LRRC4C: variants seen among roughly 807,000 people sequenced by gnomAD.
LRRC4C encodes the protein leucine-rich repeat-containing protein 4C.
Under a neutral mutation model 33.6 loss-of-function variants are expected in LRRC4C, and 5 were observed. The ratio of observed to expected loss-of-function variants is 0.15; its 90% CI spans 0.08 to 0.31. LRRC4C has a LOEUF of 0.31. LRRC4C is among the 10% of genes least tolerant of loss of function. The probability of loss-of-function intolerance (pLI) is 1.00; values close to 1 mark genes in which losing one functional copy is unlikely to be tolerated. For synonymous variants in LRRC4C, 329 were observed against 302.0 expected, an observed-to-expected ratio of 1.09 and a Z score of -0.93; for missense variants, 560 against 796.7, an observed-to-expected ratio of 0.70 and a Z score of 3.58.
intron 3 of LRRC4C, among the ~76,000 whole-genome samples, chr11:40,646,559 G>GA (rs572499991): frequency 6.6e-6 from 1 of 151,924 alleles, no homozygotes; most frequent in Non-Finnish European, 1.5e-5. Flanking sequence ...TGACGGCAAG[G>GA]AAAAAAAGAC....
At chr11:40,723,928 A>G (rs1207955730) in intron 2 of LRRC4C, among the ~76,000 whole-genome samples, 2 of 152,190 alleles carry the variant, frequency 1.3e-5, no homozygotes, top group Non-Finnish European at 2.9e-5. Context: ...TACAATGCAA[A>G]TGGAAAATTT....
rs545170453 is a variant in LRRC4C, at chr11:40,367,500, C to T, written c.-269-47779G>A. ...TCACTTTTTTCTGTCTTATTTTTTT[C>T]ACAATGCAATGCATGGAGGCCACAC... On this transcript the variant is annotated intron_variant, in intron 3 of 6. Coordinates refer to ENST00000528697, the MANE Select transcript of LRRC4C (RefSeq NM_001258419.2). 3.3e-5 allele frequency among the ~76,000 whole-genome samples: 5 copies of T among 152,038 alleles called. No individual in the cohort carries two copies. In the East Asian group the frequency reaches 9.7e-4, roughly 29 times the overall value.
chr11:40,742,744 T>C (rs1387998169), intron 2 of LRRC4C, among the ~76,000 whole-genome samples: 3 of 152,086 alleles, frequency 2.0e-5, no homozygotes, highest in Non-Finnish European at 4.4e-5. Context: ...TTTACAGTGG[T>C]ATTCTGTTCA....
At chr11:40,518,752 A>G (rs549123506) in intron 3 of LRRC4C, among the ~76,000 whole-genome samples, 24 of 152,152 alleles carry the variant, frequency 1.6e-4, no homozygotes, top group African/African-American at 5.5e-4. Context: ...ATTACTGGGT[A>G]TATACCCAAA....
At chr11:40,897,783 G>C (rs2136161645) in intron 2 of LRRC4C, among the ~76,000 whole-genome samples, 1 of 152,134 alleles carries the variant, frequency 6.6e-6, no homozygotes, top group East Asian at 1.9e-4. Context: ...TAACTGACTG[G>C]CCAGATTAAT....
intron 2 of LRRC4C, among the ~76,000 whole-genome samples, chr11:40,785,962 T>C (rs905353601): frequency 1.3e-5 from 2 of 152,090 alleles, no homozygotes; most frequent in African/African-American, 4.8e-5. Context: ...GCAAGTTTTG[T>C]TTTTGTTTTT....
intron 5 of LRRC4C, among the ~76,000 whole-genome samples, chr11:40,192,937 A>C (rs1053195973): frequency 6.6e-6 from 1 of 152,184 alleles, no homozygotes; most frequent in South Asian, 2.1e-4. Context: ...CTCTGAAAGA[A>C]AGGCAGCAGC....
At chr11:40,660,837 C>T (rs139621245) in intron 2 of LRRC4C, among the ~76,000 whole-genome samples, 187 of 152,156 alleles carry the variant, frequency 1.2e-3, no homozygotes, top group Non-Finnish European at 2.2e-3. Flanking sequence ...TAATTTATAA[C>T]GAAAGCTAAA....
chr11:40,941,338 TA>T (rs1464462306), intron 1 of LRRC4C, among the ~76,000 whole-genome samples: 1 of 152,142 alleles, frequency 6.6e-6, no homozygotes. Context: ...TATAGCTGTC[TA>T]AGAATATGCT....
At chr11:41,302,067 T>C (rs572807637) in intron 1 of LRRC4C, among the ~76,000 whole-genome samples, 1 of 152,210 alleles carries the variant, frequency 6.6e-6, no homozygotes, top group Non-Finnish European at 1.5e-5. Flanking sequence ...CAATTCACCA[T>C]TGCATTTCAG....
intron 1 of LRRC4C, among the ~76,000 whole-genome samples, chr11:40,980,657 T>A (rs11036168): frequency 0.23 from 34,882 of 152,150 alleles, 4,421 homozygotes; most frequent in Middle Eastern, 0.32. Context: ...GGGTTATGGT[T>A]AGTTCCCCAA....
chr11:40,870,947 G>C (rs1954606699), intron 2 of LRRC4C, among the ~76,000 whole-genome samples: 1 of 152,150 alleles, frequency 6.6e-6, no homozygotes, highest in South Asian at 2.1e-4. Flanking sequence ...TCTCAGCAAG[G>C]AACATCCCTG....
At chr11:41,132,719 A>G (rs1484063349) in intron 1 of LRRC4C, among the ~76,000 whole-genome samples, 1 of 152,170 alleles carries the variant, frequency 6.6e-6, no homozygotes, top group Non-Finnish European at 1.5e-5. Flanking sequence ...ATAATGAAAT[A>G]AATTGTGTCT....
intron 3 of LRRC4C, among the ~76,000 whole-genome samples, chr11:40,588,462 G>A (rs11821222): frequency 0.017 from 2,529 of 151,374 alleles, 87 homozygotes; most frequent in African/African-American, 0.058. Flanking sequence ...AGGGTTTTTT[G>A]TGTCTCTATT....
intron 1 of LRRC4C, among the ~76,000 whole-genome samples, chr11:41,304,152 G>A (rs200986781): frequency 3.0e-4 from 24 of 80,856 alleles, no homozygotes; most frequent in South Asian, 4.4e-4. Flanking sequence ...CCGGCCAGCC[G>A]CCCCGTCCGG....
intron 5 of LRRC4C, among the ~76,000 whole-genome samples, chr11:40,210,599 A>C (rs963042046): frequency 6.6e-6 from 1 of 152,104 alleles, no homozygotes; most frequent in Admixed American, 6.5e-5. Context: ...CCCTGCATCT[A>C]TTGAAATCGT....
intron 4 of LRRC4C, among the ~76,000 whole-genome samples, chr11:40,247,227 T>C (rs943206235): frequency 3.9e-5 from 6 of 152,162 alleles, no homozygotes; most frequent in African/African-American, 1.2e-4. Flanking sequence ...ACCACACTTG[T>C]TTCATTTTGT....
chr11:40,896,185 C>G (rs1278929655), intron 2 of LRRC4C, among the ~76,000 whole-genome samples: 1 of 152,150 alleles, frequency 6.6e-6, no homozygotes, highest in African/African-American at 2.4e-5. Flanking sequence ...GTTTGATCAG[C>G]TTTAAAGTTC....
intron 1 of LRRC4C, among the ~76,000 whole-genome samples, chr11:41,295,466 T>C (rs955983171): frequency 6.6e-6 from 1 of 152,158 alleles, no homozygotes; most frequent in African/African-American, 2.4e-5. Context: ...GTTGTGTTAG[T>C]TGTGGGGTTT....
Sources: allele counts gnomAD v4.1 joint callset (sites outside exome capture counted in the v4.1 genomes callset), GRCh38; gene constraint gnomAD v4.1.1; transcripts MANE v1.5; gene names NCBI Gene and HGNC (gene_info 2026-07-23, HGNC 2026-07-21).